Variants in PRR16 observed in about 807,000 individuals in gnomAD.
The protein encoded by PRR16 is proline rich 16.
Under a neutral mutation model 18.2 loss-of-function variants are expected in PRR16, and 6 were observed. The ratio of observed to expected loss-of-function variants is 0.33; its 90% CI spans 0.18 to 0.65. PRR16 has a LOEUF of 0.65. Among genes scored for constraint, PRR16 ranks in the 30% least tolerant of loss-of-function variants. The pLI, the probability that PRR16 is intolerant of heterozygous loss-of-function variation, is 0.74. For synonymous variants in PRR16, 151 were observed against 147.8 expected (o/e 1.02, Z -0.16); for missense variants, 412 against 376.6 (o/e 1.09, Z -0.78).
Position 120,546,888 on chromosome 5 carries a change from A to G in PRR16, c.159+82243A>G, listed in dbSNP as rs143170551. Among the ~76,000 whole-genome samples, 416 of 152,184 alleles carry G rather than the reference A, an allele frequency of 2.7e-3. 2 individuals carry two copies. Among genetic ancestry groups the G allele is most frequent in the African/African-American group, 9.0e-3 (373 of 41,550 alleles). ...TCTCCTTGCCTAGCAGCACTAACCC[A>G]TAGGCCGTGTCTCCAGAGTGGCAGT... is the stretch of plus-strand genomic sequence containing the variant. On this transcript the variant is annotated intron_variant, in intron 1 of 1. Transcript: ENST00000407149.
chr5:120,740,888 AAGGTATCATTT>A, the PRR16 span, among the ~76,000 whole-genome samples: 1 of 152,036 alleles, frequency 6.6e-6, no homozygotes, highest in Non-Finnish European at 1.5e-5. Flanking sequence ...ATAGCATAAA[AAGGTATCATTT>A]AACTTTACAT....
chr5:120,489,757 T>A (rs1580636904), intron 1 of PRR16, among the ~76,000 whole-genome samples: 2 of 152,320 alleles, frequency 1.3e-5, no homozygotes, highest in South Asian at 4.1e-4. Flanking sequence ...TCGATGGTCT[T>A]TACAATTTGG....
At chr5:120,705,850 G>T in the PRR16 span, among the ~76,000 whole-genome samples, 1 of 151,972 alleles carries the variant, frequency 6.6e-6, no homozygotes, top group African/African-American at 2.4e-5. Context: ...AGATGATGTG[G>T]ATAGAAAAAA....
At chr5:120,675,867 A>G (rs1756777019) in intron 1 of PRR16, among the ~76,000 whole-genome samples, 1 of 152,162 alleles carries the variant, frequency 6.6e-6, no homozygotes, top group Non-Finnish European at 1.5e-5. Flanking sequence ...TACTTAATTT[A>G]TTAGGCTCAA....
At chr5:120,465,226 G>A (rs1307961572) in intron 1 of PRR16, among the ~76,000 whole-genome samples, 1 of 152,204 alleles carries the variant, frequency 6.6e-6, no homozygotes, top group African/African-American at 2.4e-5. Flanking sequence ...TAAGGAGGGG[G>A]TCTGGGACTT....
chr5:120,618,867 A>G (rs1754597843), intron 1 of PRR16, among the ~76,000 whole-genome samples: 1 of 151,980 alleles, frequency 6.6e-6, no homozygotes, highest in African/African-American at 2.4e-5. Context: ...CTGAGACCTT[A>G]TTCAATGGAA....
At chr5:120,540,143 TTTTA>T (rs1169616766) in intron 1 of PRR16, among the ~76,000 whole-genome samples, 4 of 152,198 alleles carry the variant, frequency 2.6e-5, no homozygotes, top group African/African-American at 9.6e-5. Context: ...TTTTGTTTTA[TTTTA>T]TTTATTTATT....
intron 1 of PRR16, among the ~76,000 whole-genome samples, chr5:120,685,333 G>A (rs1373193878): frequency 6.6e-6 from 1 of 152,116 alleles, no homozygotes; most frequent in Non-Finnish European, 1.5e-5. Context: ...TGTCATAATA[G>A]CACATATTCA....
chr5:120,642,102 T>A (rs1755441426), intron 1 of PRR16, among the ~76,000 whole-genome samples: 1 of 152,094 alleles, frequency 6.6e-6, no homozygotes, highest in Non-Finnish European at 1.5e-5. Flanking sequence ...TCCGTTCCTT[T>A]GCTCCTTCTT....
chr5:120,514,438 A>G (rs1002643177), intron 1 of PRR16, among the ~76,000 whole-genome samples: 74 of 152,266 alleles, frequency 4.9e-4, no homozygotes, highest in African/African-American at 1.7e-3. Flanking sequence ...AGTTCTCTAG[A>G]TCTTTCCATT....
chr5:120,536,901 G>A (rs1751734879), intron 1 of PRR16, among the ~76,000 whole-genome samples: 1 of 152,218 alleles, frequency 6.6e-6, no homozygotes, highest in Non-Finnish European at 1.5e-5. Context: ...GGCAGCATGT[G>A]TAGAGCTGGA....
the PRR16 span, among the ~76,000 whole-genome samples, chr5:120,708,005 C>G: frequency 8.6e-4 from 131 of 152,200 alleles, no homozygotes; most frequent in Admixed American, 1.7e-3. Flanking sequence ...AATGAAAAAA[C>G]AAAAGTATAA....
intron 1 of PRR16, among the ~76,000 whole-genome samples, chr5:120,534,290 A>G (rs920144147): frequency 3.3e-5 from 5 of 152,206 alleles, no homozygotes; most frequent in Non-Finnish European, 7.3e-5. Flanking sequence ...TAGGAGAATG[A>G]GTACCTGCCC....
chr5:120,508,931 T>C (rs1750732498), intron 1 of PRR16, among the ~76,000 whole-genome samples: 2 of 152,114 alleles, frequency 1.3e-5, no homozygotes, highest in Admixed American at 6.6e-5. Context: ...ATGCTCCTTT[T>C]TGTATATAAC....
At position 120,577,474 on chromosome 5, in the gene PRR16, C is replaced by CT. The variant is rs1753118034; in HGVS notation, c.160-108480_160-108479insT. 3.3e-5 allele frequency among the ~76,000 whole-genome samples: 5 copies of CT among 151,568 alleles called. No individual in the cohort carries two copies. In the South Asian group the frequency reaches 1.0e-3, roughly 32 times the overall value. On this transcript the variant is annotated intron_variant, in intron 1 of 1. Transcript: ENST00000407149. ...CCAAATAGGGGCAAAGGAATAATAC[C>CT]AATGTTCATTGGGTGGATTTCTTCT...
the PRR16 span, among the ~76,000 whole-genome samples, chr5:120,788,612 A>G: frequency 6.6e-6 from 1 of 152,128 alleles, no homozygotes. Flanking sequence ...GAGGCAAGCA[A>G]TGCTGCTGGG....
intron 1 of PRR16, among the ~76,000 whole-genome samples, chr5:120,646,407 T>G (rs1755604134): frequency 6.6e-6 from 1 of 151,916 alleles, no homozygotes; most frequent in Non-Finnish European, 1.5e-5. Context: ...TTGTAGAATT[T>G]TAGCAGCCAA....
the PRR16 span, among the ~76,000 whole-genome samples, chr5:120,698,108 T>C: frequency 1.3e-5 from 2 of 152,038 alleles, no homozygotes; most frequent in East Asian, 3.9e-4. Context: ...GAAAACTTTT[T>C]GGGGGTGGTA....
intron 1 of PRR16, among the ~76,000 whole-genome samples, chr5:120,597,544 T>TAA (rs1336342553): frequency 6.6e-6 from 1 of 151,786 alleles, no homozygotes; most frequent in Non-Finnish European, 1.5e-5. Context: ...ATCCCATATT[T>TAA]ATAGCATATT....
Sources: gnomAD v4.1 joint callset for allele counts (sites outside exome capture counted in the v4.1 genomes callset) on GRCh38, gnomAD v4.1.1 for gene constraint, MANE v1.5 for transcripts, NCBI Gene and HGNC (gene_info 2026-07-23, HGNC 2026-07-21) for gene names.